CDIN1: variants seen among roughly 807,000 people sequenced by gnomAD.
The protein encoded by CDIN1 is CDAN1 interacting nuclease 1.
CDIN1 carries 33 observed loss-of-function variants against 45.3 expected under a neutral mutation model. That is an observed-to-expected ratio of 0.73 (90% CI 0.55 to 0.97). The LOEUF is 0.97. Ranked by LOEUF, CDIN1 falls within the 50% of genes least tolerant of loss-of-function variation. The pLI, the probability that CDIN1 is intolerant of heterozygous loss-of-function variation, is 0.00. For missense variants in CDIN1, 303 were observed against 339.4 expected (o/e 0.89, Z 0.84); for synonymous variants, 118 against 124.4 (o/e 0.95, Z 0.34).
intron 10 of CDIN1, among the ~76,000 whole-genome samples, chr15:36,768,629 AG>A (rs1157569600): frequency 6.6e-6 from 1 of 152,150 alleles, no homozygotes; most frequent in Non-Finnish European, 1.5e-5. Flanking sequence ...TGCATTACAA[AG>A]GGGTTTGCTG....
chr15:36,795,319 A>T (rs1268727635), intron 10 of CDIN1, among the ~76,000 whole-genome samples: 2 of 152,248 alleles, frequency 1.3e-5, no homozygotes, highest in Non-Finnish European at 2.9e-5. Flanking sequence ...CATCAAAATG[A>T]TAATTATTTG....
intron 1 of CDIN1, among the ~76,000 whole-genome samples, chr15:36,638,817 T>G (rs1204298473): frequency 6.6e-6 from 1 of 152,196 alleles, no homozygotes; most frequent in African/African-American, 2.4e-5. Flanking sequence ...ATTTCAGGGT[T>G]GTTTGGAGTA....
intron 10 of CDIN1, among the ~76,000 whole-genome samples, chr15:36,730,053 C>T (rs2043783602): frequency 6.6e-6 from 1 of 152,140 alleles, no homozygotes; most frequent in African/African-American, 2.4e-5. Context: ...CCCACATCTA[C>T]TCACATGTAT....
At chr15:36,747,694 T>A (rs2044493642) in intron 10 of CDIN1, among the ~76,000 whole-genome samples, 3 of 152,166 alleles carry the variant, frequency 2.0e-5, no homozygotes, top group Non-Finnish European at 4.4e-5. Context: ...TGAATTAACA[T>A]TTATGGTAGG....
At chr15:36,739,476 C>T (rs2044155548) in intron 10 of CDIN1, among the ~76,000 whole-genome samples, 1 of 152,132 alleles carries the variant, frequency 6.6e-6, no homozygotes, top group South Asian at 2.1e-4. Flanking sequence ...TCTCCTCTCT[C>T]CCTCGCTTTG....
chr15:36,613,672 G>A, intron 1 of CDIN1: 1 of 1,447,898 alleles, frequency 6.9e-7, no homozygotes, highest in Non-Finnish European at 9.7e-7. Flanking sequence ...ACCGTGCTCA[G>A]GAGCGCCTGG....
intron 10 of CDIN1, among the ~76,000 whole-genome samples, chr15:36,736,777 C>T (rs2044037083): frequency 6.6e-6 from 1 of 152,148 alleles, no homozygotes; most frequent in African/African-American, 2.4e-5. Flanking sequence ...ACAGTCTGAC[C>T]TCCTCCTTTC....
At chr15:36,697,974 G>A (rs2042496808) in intron 8 of CDIN1, among the ~76,000 whole-genome samples, 1 of 152,080 alleles carries the variant, frequency 6.6e-6, no homozygotes, top group Non-Finnish European at 1.5e-5. Context: ...CATATAATAA[G>A]TGATCACAGA....
intron 1 of CDIN1, chr15:36,618,189 G>T: frequency 2.9e-6 from 2 of 682,790 alleles, no homozygotes; most frequent in East Asian, 2.5e-5. Flanking sequence ...AATATGGGTC[G>T]ACCATTCCAA....
chr15:36,796,282 A>G (rs1466147487), intron 10 of CDIN1, among the ~76,000 whole-genome samples: 2 of 152,168 alleles, frequency 1.3e-5, no homozygotes, highest in Non-Finnish European at 2.9e-5. Flanking sequence ...ATCCACCTTG[A>G]ACTTCAGGGC....
At chr15:36,639,814 C>T (rs975284504) in intron 1 of CDIN1, among the ~76,000 whole-genome samples, 5 of 152,060 alleles carry the variant, frequency 3.3e-5, no homozygotes, top group African/African-American at 7.2e-5. Flanking sequence ...CAGATACTGA[C>T]GTTCAATTAT....
At chr15:36,774,171 C>CGCGT (rs1383777721) in intron 10 of CDIN1, among the ~76,000 whole-genome samples, 9 of 135,274 alleles carry the variant, frequency 6.7e-5, no homozygotes, top group African/African-American at 3.0e-4. Flanking sequence ...TGTGCGCGCG[C>CGCGT]GCGCATGCAT....
chr15:36,676,300 CT>C (rs1472581729), intron 5 of CDIN1, among the ~76,000 whole-genome samples: 1 of 152,120 alleles, frequency 6.6e-6, no homozygotes, highest in African/African-American at 2.4e-5. Flanking sequence ...AAAGAACACA[CT>C]TTTGTGCCCC....
chr15:36,653,930 TTG>T (rs1310795212), intron 3 of CDIN1, among the ~76,000 whole-genome samples, 166 bp from the exon 4 acceptor site: 17 of 152,304 alleles, frequency 1.1e-4, no homozygotes, highest in African/African-American at 3.8e-4. Flanking sequence ...GGTGAGTTGT[TTG>T]TGTTATGTTT....
chr15:36,748,814 A>G (rs1412776859), intron 10 of CDIN1, among the ~76,000 whole-genome samples: 1 of 152,100 alleles, frequency 6.6e-6, no homozygotes, highest in Non-Finnish European at 1.5e-5. Flanking sequence ...CAGACTTGTA[A>G]AGTTTGCAGA....
chr15:36,630,511 A>C (rs1333302424), intron 1 of CDIN1, among the ~76,000 whole-genome samples: 1 of 152,224 alleles, frequency 6.6e-6, no homozygotes, highest in Non-Finnish European at 1.5e-5. Context: ...AAGCACTTCA[A>C]GAATAAAGAC....
intron 6 of CDIN1, 115 bp downstream of exon 6, chr15:36,691,879 G>A: frequency 1.1e-6 from 1 of 890,252 alleles, no homozygotes. Flanking sequence ...AGGTCAGGGT[G>A]CACCATAAAT....
At chr15:36,745,974 A>G (rs1279337332) in intron 10 of CDIN1, among the ~76,000 whole-genome samples, 2 of 152,200 alleles carry the variant, frequency 1.3e-5, no homozygotes, top group Admixed American at 1.3e-4. Context: ...TCCAAAAAAA[A>G]AGAATACTAC....
chr15:36,757,997 T>A (rs2053654546), intron 10 of CDIN1, among the ~76,000 whole-genome samples: 1 of 152,174 alleles, frequency 6.6e-6, no homozygotes, highest in Admixed American at 6.6e-5. Flanking sequence ...TATGCCTAAT[T>A]TATAAATTAA....
Sources: allele counts gnomAD v4.1 joint callset (sites outside exome capture counted in the v4.1 genomes callset), GRCh38; gene constraint gnomAD v4.1.1; transcripts MANE v1.5; gene names NCBI Gene and HGNC (gene_info 2026-07-23, HGNC 2026-07-21).